Variants in ABCA8 observed in about 807,000 individuals in gnomAD.
ABCA8 encodes ABC-type organic anion transporter ABCA8.
In ABCA8, 177 loss-of-function variants were observed where a neutral mutation model predicts 192.3. The ratio of observed to expected loss-of-function variants is 0.92; its 90% CI spans 0.81 to 1.04. The LOEUF is 1.04. Among genes scored for constraint, ABCA8 ranks in the 50% least tolerant of loss-of-function variants. ABCA8 has a pLI of 0.00. For synonymous variants in ABCA8, 642 were observed against 690.2 expected, an observed-to-expected ratio of 0.93 and a Z score of 1.09; for missense variants, 1,915 against 1,904.8, an observed-to-expected ratio of 1.01 and a Z score of -0.10.
intron 13 of ABCA8, 72 bp from the exon 14 acceptor site, chr17:68,919,548 T>C: frequency 7.6e-7 from 1 of 1,322,428 alleles, no homozygotes; most frequent in Non-Finnish European, 1.1e-6. Flanking sequence ...GTTAATTAAA[T>C]GTACGTATGA....
At chr17:68,907,203 G>A (rs984716914) in intron 18 of ABCA8, among the ~76,000 whole-genome samples, 20 of 152,076 alleles carry the variant, frequency 1.3e-4, no homozygotes, top group Non-Finnish European at 7.4e-5. Context: ...ACCATAAAAT[G>A]TGTATTTGAA....
chr17:68,953,733 T>C (rs912277827), intron 1 of ABCA8, among the ~76,000 whole-genome samples: 7 of 151,694 alleles, frequency 4.6e-5, no homozygotes, highest in African/African-American at 1.5e-4. Flanking sequence ...AAAATCACAC[T>C]CCGTATACAG....
chr17:68,954,725 A>G (rs1377986153), intron 1 of ABCA8, among the ~76,000 whole-genome samples: 1 of 152,216 alleles, frequency 6.6e-6, no homozygotes, highest in African/African-American at 2.4e-5. Context: ...TAAAATTCTT[A>G]TAGACTAAGA....
intron 1 of ABCA8, among the ~76,000 whole-genome samples, 167 bp from the exon 2 acceptor site, chr17:68,949,639 A>G (rs1009197037): frequency 1.1e-4 from 17 of 152,230 alleles, no homozygotes; most frequent in Non-Finnish European, 1.8e-4. Flanking sequence ...CTATTTCAAT[A>G]TATGCAAATC....
chr17:68,868,041 T>A lies in ABCA8; in HGVS notation c.*44A>T, dbSNP rs1287577338. 1.4e-6 allele frequency: 2 copies of A among 1,394,712 alleles called. No homozygotes were observed. Among genetic ancestry groups the A allele is most frequent in the South Asian group, 1.3e-5 (1 of 75,722 alleles). 86.4% of individuals were successfully genotyped at this position (1,394,712 alleles called of 1,614,324 possible). A position where few individuals can be genotyped will look rare whatever the true frequency, so the allele number is the denominator to read the frequency against. The stretch of plus-strand genomic sequence containing the variant: ...TTGCTGCTATAAAAATAAATGTATT[T>A]AAAAAAAACCACGGGTTTAAACAGG... On this transcript the variant is annotated 3_prime_UTR_variant, in exon 40 of 40. Transcript: ENST00000586539.
At chr17:68,885,662 C>G (rs1282668906) in intron 26 of ABCA8, among the ~76,000 whole-genome samples, 2 of 151,952 alleles carry the variant, frequency 1.3e-5, no homozygotes, top group Non-Finnish European at 2.9e-5. Flanking sequence ...ATCTTCCTCC[C>G]TCAGACTCCC....
At chr17:68,925,303 T>G (rs183887047) in intron 10 of ABCA8, among the ~76,000 whole-genome samples, 71 of 152,266 alleles carry the variant, frequency 4.7e-4, no homozygotes, top group African/African-American at 1.6e-3. Context: ...TTAAGAAAAG[T>G]AAATGACACA....
intron 17 of ABCA8, among the ~76,000 whole-genome samples, chr17:68,913,662 C>T (rs747465572): frequency 1.3e-5 from 2 of 152,040 alleles, no homozygotes; most frequent in African/African-American, 4.8e-5. Flanking sequence ...TAGACACGTA[C>T]AATCTACCAA....
Position 68,868,318 on chromosome 17 carries a change from G to T in ABCA8, c.4750C>A (p.Gln1584Lys). 1.2e-6 allele frequency: 2 copies of T among 1,613,724 alleles called. No individual in the cohort carries two copies. Among genetic ancestry groups the T allele is most frequent in the Non-Finnish European group, 1.7e-6 (2 of 1,179,704 alleles). ...SFDLEEYSLS[Q>K]STLEQVFLEL... is the part of the protein sequence containing the mutation. The stretch of plus-strand genomic sequence containing the variant: ...TGACCCACCTGCTCCAGGGTAGACT[G>T]TGAGAGGCTGTACTCCTCTAGGTCA... The change falls in exon 39 of 40, where the codon CAG (glutamine) becomes AAG (lysine). Residue 1584 changes from glutamine (Q) to lysine (K), a missense_variant. Coordinates refer to ENST00000586539, the MANE Select transcript of ABCA8 (RefSeq NM_001288985.2).
At chr17:68,882,866 C>T (rs1268578398) in intron 29 of ABCA8, 147 bp from the exon 30 acceptor site, 2 of 624,970 alleles carry the variant, frequency 3.2e-6, no homozygotes, top group Non-Finnish European at 5.1e-6. Context: ...CTTAAAACCT[C>T]CTTGCTTATC....
intron 23 of ABCA8, among the ~76,000 whole-genome samples, chr17:68,892,161 C>T (rs967917330): frequency 6.6e-6 from 1 of 152,134 alleles, no homozygotes; most frequent in South Asian, 2.1e-4. Flanking sequence ...GATAAAAGAT[C>T]ACAAACTCTC....
intron 37 of ABCA8, 97 bp downstream of exon 37, chr17:68,875,163 T>G: frequency 6.6e-7 from 1 of 1,511,974 alleles, no homozygotes. Context: ...AATAATCTCT[T>G]TCTTTTAGGT....
chr17:68,900,524 C>T (rs2066879114), intron 21 of ABCA8, among the ~76,000 whole-genome samples: 1 of 127,940 alleles, frequency 7.8e-6, no homozygotes, highest in Non-Finnish European at 1.6e-5. Context: ...AATTGTCAAT[C>T]CTTCACAAAG....
rs1418972447 is a variant in ABCA8, at chr17:68,945,086, A to G, written c.-5-3047T>C. ...AGTCTATGGATGGGGGAAGGGTAAG[A>G]TAATGGAGGGGGTCTCCTTTACTGC... On this transcript the variant is annotated intron_variant, in intron 2 of 39. Transcript: ENST00000586539. Among the ~76,000 whole-genome samples, 4 of 152,122 alleles carry G rather than the reference A, an allele frequency of 2.6e-5. No individual in the cohort carries two copies. The East Asian group carries it at 5.8e-4, about 22-fold the overall frequency.
chr17:68,942,551 G>C (rs560847144), intron 2 of ABCA8, among the ~76,000 whole-genome samples: 38 of 152,200 alleles, frequency 2.5e-4, no homozygotes, highest in Non-Finnish European at 5.1e-4. Flanking sequence ...TCTTGACTTG[G>C]GTAGCAGTAG....
intron 26 of ABCA8, 47 bp downstream of exon 26, chr17:68,886,970 T>C: frequency 1.5e-6 from 2 of 1,320,100 alleles, no homozygotes; most frequent in Non-Finnish European, 1.1e-6. Flanking sequence ...TAGCTCAGAA[T>C]TGTATATCAA....
intron 17 of ABCA8, among the ~76,000 whole-genome samples, chr17:68,915,840 C>A (rs764410091): frequency 6.6e-6 from 1 of 152,154 alleles, no homozygotes; most frequent in Non-Finnish European, 1.5e-5. Flanking sequence ...TTTATTGATG[C>A]ACCATTCACG....
At chr17:68,954,404 C>T (rs556881015) in intron 1 of ABCA8, among the ~76,000 whole-genome samples, 3 of 152,226 alleles carry the variant, frequency 2.0e-5, no homozygotes, top group South Asian at 2.1e-4. Flanking sequence ...TATCTTCCAT[C>T]GTAAAGTATT....
intron 5 of ABCA8, among the ~76,000 whole-genome samples, chr17:68,935,540 C>CTATCTATCTATATATATATATATA (rs747035477): frequency 1.1e-5 from 1 of 87,290 alleles, no homozygotes; most frequent in African/African-American, 4.7e-5. Flanking sequence ...AGTAGTATTC[C>CTATCTATCTATATATATATATATA]TATATATATA....
Sources: gnomAD v4.1 joint callset for allele counts (sites outside exome capture counted in the v4.1 genomes callset) on GRCh38, gnomAD v4.1.1 for gene constraint, MANE v1.5 for transcripts, NCBI Gene and HGNC (gene_info 2026-07-23, HGNC 2026-07-21) for gene names.